CAMSAP2: variants seen among roughly 807,000 people sequenced by gnomAD.
CAMSAP2 encodes the protein calmodulin regulated spectrin associated protein family member 2.
In CAMSAP2, 26 loss-of-function variants were observed where a neutral mutation model predicts 146.1. That is an observed-to-expected ratio of 0.18 (90% CI 0.13 to 0.25). The LOEUF is 0.25. Ranked by LOEUF, CAMSAP2 falls within the 10% of genes least tolerant of loss-of-function variation. The pLI is 1.00. For synonymous variants in CAMSAP2, 499 were observed against 596.6 expected, an observed-to-expected ratio of 0.84 and a Z score of 2.38; for missense variants, 1,381 against 1,759.3, an observed-to-expected ratio of 0.78 and a Z score of 3.85.
intron 6 of CAMSAP2, among the ~76,000 whole-genome samples, chr1:200,839,875 T>C (rs969677353): frequency 6.6e-6 from 1 of 152,204 alleles, no homozygotes; most frequent in Non-Finnish European, 1.5e-5. Context: ...TTTAAAACTG[T>C]AAAGTTTCTG....
chr1:200,782,142 A>T (rs1665451143), intron 2 of CAMSAP2, among the ~76,000 whole-genome samples: 1 of 152,176 alleles, frequency 6.6e-6, no homozygotes, highest in South Asian at 2.1e-4. Flanking sequence ...AAAACACTAA[A>T]AATCTTTAGA....
intron 6 of CAMSAP2, among the ~76,000 whole-genome samples, chr1:200,835,206 A>C (rs1263932279): frequency 1.3e-5 from 2 of 152,186 alleles, no homozygotes; most frequent in South Asian, 2.1e-4. Context: ...TCATTAGAAC[A>C]AAGCCCTAAT....
chr1:200,829,851 C>T (rs1044546690), intron 4 of CAMSAP2, among the ~76,000 whole-genome samples: 2 of 151,848 alleles, frequency 1.3e-5, no homozygotes, highest in African/African-American at 4.8e-5. Flanking sequence ...CACCTGAGAC[C>T]AGGAGGTCGA....
intron 2 of CAMSAP2, among the ~76,000 whole-genome samples, chr1:200,779,735 AT>A (rs533069151): frequency 3.1e-3 from 474 of 150,676 alleles, no homozygotes; most frequent in African/African-American, 9.7e-3. Flanking sequence ...TGAAATGCCT[AT>A]TTTTTTTTCT....
At chr1:200,829,103 C>T (rs755754301) in intron 4 of CAMSAP2, among the ~76,000 whole-genome samples, 7 of 152,048 alleles carry the variant, frequency 4.6e-5, no homozygotes, top group Non-Finnish European at 7.4e-5. Flanking sequence ...TGCAGTGAGC[C>T]GAGATCGCGC....
chr1:200,762,420 C>T (rs1338011608), intron 2 of CAMSAP2, among the ~76,000 whole-genome samples: 2 of 152,156 alleles, frequency 1.3e-5, no homozygotes, highest in Non-Finnish European at 2.9e-5. Context: ...GCATACATAT[C>T]ATATGTGAAC....
At chr1:200,768,991 G>A (rs977322697) in intron 2 of CAMSAP2, among the ~76,000 whole-genome samples, 2 of 152,106 alleles carry the variant, frequency 1.3e-5, no homozygotes, top group East Asian at 3.9e-4. Context: ...ATGATACCTT[G>A]ATTTATCAAG....
At chr1:200,821,121 C>T (rs1666749734) in intron 4 of CAMSAP2, among the ~76,000 whole-genome samples, 1 of 151,662 alleles carries the variant, frequency 6.6e-6, no homozygotes, top group Non-Finnish European at 1.5e-5. Flanking sequence ...TTGAATCCTA[C>T]CCTTAAGATT....
chr1:200,816,605 A>AAAAAAAT (rs1364421397), intron 4 of CAMSAP2, among the ~76,000 whole-genome samples: 4 of 111,228 alleles, frequency 3.6e-5, no homozygotes, highest in African/African-American at 1.3e-4. Context: ...AAAAAAAAAA[A>AAAAAAAT]ATATATATAT....
chr1:200,746,011 G>T (rs1440054058), intron 1 of CAMSAP2, among the ~76,000 whole-genome samples: 1 of 152,194 alleles, frequency 6.6e-6, no homozygotes, highest in Non-Finnish European at 1.5e-5. Flanking sequence ...TAAAAGAGTA[G>T]ATCTTGTGAG....
At chr1:200,827,819 T>C (rs1429639010) in intron 4 of CAMSAP2, among the ~76,000 whole-genome samples, 2 of 152,302 alleles carry the variant, frequency 1.3e-5, no homozygotes, top group South Asian at 4.1e-4. Context: ...GAAGCTGTTT[T>C]AGCAGATACA....
At chr1:200,841,523 G>GGC (rs1667323078) in intron 6 of CAMSAP2, among the ~76,000 whole-genome samples, 1 of 152,168 alleles carries the variant, frequency 6.6e-6, no homozygotes, top group African/African-American at 2.4e-5. Flanking sequence ...TGGGGTTACA[G>GGC]GCGTGAGTCA....
At chr1:200,751,819 TG>T (rs368776979) in intron 1 of CAMSAP2, among the ~76,000 whole-genome samples, 79 of 152,238 alleles carry the variant, frequency 5.2e-4, no homozygotes, top group African/African-American at 1.8e-3. Flanking sequence ...TCACAGTCTG[TG>T]TGGGAATCTG....
chr1:200,775,746 G>C (rs1158014417), intron 2 of CAMSAP2, among the ~76,000 whole-genome samples: 1 of 152,070 alleles, frequency 6.6e-6, no homozygotes, highest in Non-Finnish European at 1.5e-5. Context: ...ACCCAGGCTG[G>C]TCTCGAACTC....
Position 200,782,439 on chromosome 1 carries a change from T to G in CAMSAP2, c.399+21341T>G, listed in dbSNP as rs377046676. 9.8e-5 allele frequency among the ~76,000 whole-genome samples: 15 copies of G among 152,322 alleles called. No homozygotes were observed. The East Asian group carries it at 2.3e-3, about 23-fold the overall frequency. On this transcript the variant is annotated intron_variant, in intron 2 of 16. Coordinates refer to ENST00000358823, the MANE Select transcript of CAMSAP2 (RefSeq NM_203459.4). ...AACATAATAACCCCCCAAAATTCCCTTGTGCCTTTTTGCAGTCAGCCCGCA... is the reference window on the plus strand; with the variant it reads ...AACATAATAACCCCCCAAAATTCCCGTGTGCCTTTTTGCAGTCAGCCCGCA...
chr1:200,780,401 G>T (rs1665399065), intron 2 of CAMSAP2, among the ~76,000 whole-genome samples: 1 of 152,172 alleles, frequency 6.6e-6, no homozygotes, highest in African/African-American at 2.4e-5. Flanking sequence ...GTAGGTAGGA[G>T]CATTTAGTGA....
chr1:200,784,073 G>T (rs1455301585), intron 2 of CAMSAP2, among the ~76,000 whole-genome samples: 1 of 151,740 alleles, frequency 6.6e-6, no homozygotes, highest in Non-Finnish European at 1.5e-5. Context: ...TGTTCCAGTA[G>T]TATTTATTGA....
chr1:200,768,628 A>G (rs958637731), intron 2 of CAMSAP2, among the ~76,000 whole-genome samples: 39 of 152,014 alleles, frequency 2.6e-4, no homozygotes, highest in African/African-American at 8.5e-4. Context: ...AAGATTTATT[A>G]GTAGGGTTGA....
chr1:200,796,652 A>G (rs1297706680), intron 2 of CAMSAP2, among the ~76,000 whole-genome samples: 1 of 150,702 alleles, frequency 6.6e-6, no homozygotes, highest in African/African-American at 2.4e-5. Context: ...TGTAGTTTTC[A>G]GAGCATAAGT....
Sources: allele counts gnomAD v4.1 joint callset (sites outside exome capture counted in the v4.1 genomes callset), GRCh38; gene constraint gnomAD v4.1.1; transcripts MANE v1.5; gene names NCBI Gene and HGNC (gene_info 2026-07-23, HGNC 2026-07-21).